Variants in MARCHF1 observed in about 807,000 individuals in gnomAD.
MARCHF1 encodes the protein membrane associated ring-CH-type finger 1.
MARCHF1 carries 40 observed loss-of-function variants against 54.2 expected under a neutral mutation model. That is an observed-to-expected ratio of 0.74 (90% CI 0.57 to 0.96). MARCHF1 has a LOEUF of 0.96. MARCHF1 is among the 40% of genes least tolerant of loss of function. MARCHF1 has a pLI of 0.00. For missense variants in MARCHF1, 586 were observed against 656.5 expected (o/e 0.89, Z 1.17); for synonymous variants, 236 against 236.3 (o/e 1.00, Z 0.01).
At chr4:164,043,828 C>T (rs1754182743) in intron 2 of MARCHF1, among the ~76,000 whole-genome samples, 1 of 152,184 alleles carries the variant, frequency 6.6e-6, no homozygotes, top group South Asian at 2.1e-4. Flanking sequence ...ACATCCAGGT[C>T]CCATTTTGAA....
chr4:163,863,807 A>T (rs1749992917), intron 3 of MARCHF1, among the ~76,000 whole-genome samples: 1 of 152,008 alleles, frequency 6.6e-6, no homozygotes, highest in African/African-American at 2.4e-5. Flanking sequence ...AGCCTGGAGA[A>T]ACTTGTAGCG....
chr4:163,537,696 T>C (rs1239973902), intron 9 of MARCHF1, among the ~76,000 whole-genome samples: 1 of 152,166 alleles, frequency 6.6e-6, no homozygotes, highest in Non-Finnish European at 1.5e-5. Context: ...GGACAGCAAT[T>C]AAAAGAGCAG....
At chr4:163,865,679 A>G (rs968465210) in intron 3 of MARCHF1, among the ~76,000 whole-genome samples, 4 of 151,738 alleles carry the variant, frequency 2.6e-5, no homozygotes, top group African/African-American at 9.7e-5. Flanking sequence ...TTTAATATAA[A>G]TATTTTACAT....
At chr4:164,161,538 A>G (rs1475020484) in intron 1 of MARCHF1, among the ~76,000 whole-genome samples, 2 of 150,728 alleles carry the variant, frequency 1.3e-5, no homozygotes, top group East Asian at 3.9e-4. Flanking sequence ...CATCATCATC[A>G]TCATCATCAG....
intron 5 of MARCHF1, among the ~76,000 whole-genome samples, chr4:163,686,391 T>C (rs1403374949): frequency 1.3e-5 from 2 of 151,182 alleles, no homozygotes; most frequent in African/African-American, 2.4e-5. Flanking sequence ...ATAAACGTAA[T>C]AGGGAATAAG....
At position 163,925,403 on chromosome 4, in the gene MARCHF1, G is replaced by A. The variant is rs530365262; in HGVS notation, c.-39+63098C>T. Reference sequence around the variant, plus strand: ...GTACTATGTACTCCCAAGTGGAAATGCTCTCTACTTAGTGTCTCTAGCTTT... The same window carrying A: ...GTACTATGTACTCCCAAGTGGAAATACTCTCTACTTAGTGTCTCTAGCTTT... On this transcript the variant is annotated intron_variant, in intron 3 of 9. Coordinates refer to ENST00000514618, the MANE Select transcript of MARCHF1 (RefSeq NM_001394959.1). Among the ~76,000 whole-genome samples, 6 of 151,798 alleles carry A rather than the reference G, an allele frequency of 4.0e-5. No homozygotes were observed. The East Asian group carries it at 1.2e-3, about 29-fold the overall frequency.
intron 1 of MARCHF1, among the ~76,000 whole-genome samples, chr4:164,218,832 G>A (rs111788424): frequency 3.4e-5 from 5 of 147,252 alleles, no homozygotes; most frequent in East Asian, 2.0e-4. Context: ...ACATGTACCC[G>A]AAAACTTAAA....
At chr4:163,783,151 T>G (rs1034893583) in intron 4 of MARCHF1, among the ~76,000 whole-genome samples, 1 of 152,338 alleles carries the variant, frequency 6.6e-6, no homozygotes, top group East Asian at 1.9e-4. Flanking sequence ...CATGTTGTTA[T>G]GTATAATGTT....
chr4:163,529,150 TTATG>T, intron 9 of MARCHF1, 104 bp from the exon 10 acceptor site: 1 of 745,456 alleles, frequency 1.3e-6, no homozygotes, highest in Non-Finnish European at 2.2e-6. Flanking sequence ...GCCTTCTAGA[TTATG>T]TATGTTAACA....
At chr4:163,946,062 A>G (rs942771040) in intron 3 of MARCHF1, among the ~76,000 whole-genome samples, 6 of 152,184 alleles carry the variant, frequency 3.9e-5, no homozygotes, top group African/African-American at 1.4e-4. Flanking sequence ...TTATAGTAAA[A>G]CATTAATTTT....
intron 2 of MARCHF1, among the ~76,000 whole-genome samples, chr4:164,062,316 T>A (rs1348241013): frequency 6.6e-6 from 1 of 152,062 alleles, no homozygotes; most frequent in African/African-American, 2.4e-5. Flanking sequence ...GAATTCCTCA[T>A]GGTAATCCAT....
intron 1 of MARCHF1, among the ~76,000 whole-genome samples, chr4:164,295,447 AACAC>A (rs5863675): frequency 0.67 from 101,283 of 150,684 alleles, 34,925 homozygotes; most frequent in Non-Finnish European, 0.76. Context: ...CATACACACA[AACAC>A]ACACACACAC....
At chr4:163,631,441 C>T (rs1742077441) in intron 5 of MARCHF1, among the ~76,000 whole-genome samples, 1 of 152,148 alleles carries the variant, frequency 6.6e-6, no homozygotes, top group Admixed American at 6.5e-5. Context: ...GATCTTTCAC[C>T]CTCGGCCTCC....
chr4:163,845,385 C>T (rs764408781), intron 4 of MARCHF1, among the ~76,000 whole-genome samples: 2 of 151,746 alleles, frequency 1.3e-5, no homozygotes, highest in Non-Finnish European at 1.5e-5. Flanking sequence ...AAAACATTCT[C>T]ACAAAACCAA....
intron 3 of MARCHF1, among the ~76,000 whole-genome samples, chr4:163,947,981 T>C (rs1239740689): frequency 1.3e-5 from 2 of 152,188 alleles, no homozygotes; most frequent in South Asian, 4.1e-4. Flanking sequence ...TGCAATAATA[T>C]TCCCCCAAAG....
intron 5 of MARCHF1, among the ~76,000 whole-genome samples, chr4:163,659,527 T>C (rs747002276): frequency 1.1e-4 from 17 of 151,716 alleles, no homozygotes; most frequent in Non-Finnish European, 1.2e-4. Context: ...CAAAAGCAAT[T>C]GCAACAAAAG....
intron 4 of MARCHF1, among the ~76,000 whole-genome samples, chr4:163,826,805 A>C (rs940986339): frequency 2.0e-5 from 3 of 152,036 alleles, no homozygotes; most frequent in Admixed American, 2.0e-4. Context: ...CTGCATATTC[A>C]TGGATAATTC....
At chr4:164,160,714 T>C (rs1344562517) in intron 1 of MARCHF1, among the ~76,000 whole-genome samples, 2 of 152,180 alleles carry the variant, frequency 1.3e-5, no homozygotes, top group Non-Finnish European at 2.9e-5. Flanking sequence ...GCTTTCTCTT[T>C]CTCTCATTAC....
rs543225634 is a variant in MARCHF1 at position 163,655,907 on chromosome 4, G to T, written c.163-42514C>A. On this transcript the variant is annotated intron_variant, in intron 5 of 9. Coordinates refer to ENST00000514618, the MANE Select transcript of MARCHF1 (RefSeq NM_001394959.1). ...GGATCTCTGGAATGCAGCTAAAGCA[G>T]TGTTAAAAGGGAAATTTATAGCACT... 2.0e-5 allele frequency among the ~76,000 whole-genome samples: 3 copies of T among 152,124 alleles called. No homozygotes were observed. The East Asian group carries it at 5.8e-4, about 29-fold the overall frequency.
Sources: gnomAD v4.1 joint callset for allele counts (sites outside exome capture counted in the v4.1 genomes callset) on GRCh38, gnomAD v4.1.1 for gene constraint, MANE v1.5 for transcripts, NCBI Gene and HGNC (gene_info 2026-07-23, HGNC 2026-07-21) for gene names.